Variants in TECPR1 observed in about 807,000 individuals in gnomAD.
TECPR1 encodes the protein tectonin beta-propeller repeat containing 1.
Under a neutral mutation model 162.4 loss-of-function variants are expected in TECPR1, and 122 were observed. That is an observed-to-expected ratio of 0.75 (90% CI 0.65 to 0.87). The LOEUF (loss-of-function observed/expected upper bound fraction) is 0.87. TECPR1 is among the 40% of genes least tolerant of loss of function. TECPR1 has a pLI of 0.00. For missense variants in TECPR1, 1,432 were observed against 1,618.2 expected (o/e 0.88, Z 1.97); for synonymous variants, 642 against 670.6 (o/e 0.96, Z 0.66).
At chr7:98,235,385 T>C (rs1037597469) in intron 10 of TECPR1, among the ~76,000 whole-genome samples, 1 of 151,566 alleles carries the variant, frequency 6.6e-6, no homozygotes, top group East Asian at 1.9e-4. Flanking sequence ...ATTAGCCAGG[T>C]GTGGTGGCGG....
intron 2 of TECPR1, among the ~76,000 whole-genome samples, chr7:98,249,184 G>C (rs1490061269): frequency 6.6e-6 from 1 of 152,084 alleles, no homozygotes; most frequent in Non-Finnish European, 1.5e-5. Context: ...GCTGGGACAA[G>C]GTATATCTTA....
chr7:98,225,154 C>G lies in TECPR1; in HGVS notation c.2514-52G>C, dbSNP rs1218172369. 8.1e-6 allele frequency: 12 copies of G among 1,483,410 alleles called. No homozygotes were observed. In the Admixed American group the frequency reaches 2.4e-4, roughly 30 times the overall value. The allele number at this position is 1,483,410 out of a possible 1,614,324, so 91.9% of individuals were successfully genotyped here. On this transcript the variant is annotated intron_variant, in intron 17 of 25. Transcript: ENST00000447648. ...CGAGGGAGACTGGGGAATGAACTGG[C>G]TCACTCAGACACCCCCATAACACCC...
At chr7:98,221,977 G>A (rs1057501062) in intron 22 of TECPR1, among the ~76,000 whole-genome samples, 4 of 152,212 alleles carry the variant, frequency 2.6e-5, no homozygotes, top group South Asian at 2.1e-4. Context: ...GCAACACAAA[G>A]GCTTCCTGTG....
chr7:98,245,891 G>C, intron 3 of TECPR1, 31 bp downstream of exon 3: 1 of 1,557,944 alleles, frequency 6.4e-7, no homozygotes, highest in Non-Finnish European at 8.7e-7. Context: ...GAACTGACCC[G>C]CTCGGCAACT....
rs760561074 is a variant in TECPR1 at position 98,244,982 on chromosome 7, C to T, written c.311G>A (p.Arg104Gln). 24 of 1,612,154 alleles carry T rather than the reference C, an allele frequency of 1.5e-5. No homozygotes were observed. Among genetic ancestry groups the T allele is most frequent in the African/African-American group, 8.0e-5 (6 of 74,898 alleles). ...GWSDVSGLQH[R>Q]PLDRVALPSP... is the part of the protein sequence containing the mutation. ...GGGCAGTGCCACCCTGTCCAGCGGCCGGTGCTGGAGCCCACTCACGTCACT... is the reference window on the plus strand; with the variant it reads ...GGGCAGTGCCACCCTGTCCAGCGGCTGGTGCTGGAGCCCACTCACGTCACT... The change falls in exon 4 of 26, where the codon CGG becomes CAG. Residue 104 changes from arginine (R) to glutamine (Q), a missense_variant. Transcript: ENST00000447648.
At chr7:98,246,265 T>C (rs971219983) in intron 2 of TECPR1, 100 bp from the exon 3 acceptor site, 1 of 738,526 alleles carries the variant, frequency 1.4e-6, no homozygotes, top group African/African-American at 1.8e-5. Context: ...ATTTATTCTT[T>C]TTCTCTTTTT....
At chr7:98,224,002 G>C (rs780737182) in intron 19 of TECPR1, among the ~76,000 whole-genome samples, 9 of 152,094 alleles carry the variant, frequency 5.9e-5, no homozygotes, top group Non-Finnish European at 1.2e-4. Flanking sequence ...AAGGGGGTCG[G>C]GCCTCCCTGG....
chr7:98,223,931 G>A (rs1000975654), intron 19 of TECPR1, among the ~76,000 whole-genome samples: 3 of 152,194 alleles, frequency 2.0e-5, no homozygotes, highest in African/African-American at 7.2e-5. Context: ...GCAGCCCTGG[G>A]GACCTGCAGG....
At chr7:98,242,221 T>A (rs565310614) in intron 6 of TECPR1, among the ~76,000 whole-genome samples, 33 of 152,294 alleles carry the variant, frequency 2.2e-4, no homozygotes, top group Middle Eastern at 3.4e-3. Context: ...GGAGCTGTGG[T>A]CAATGCGTGG....
rs762922849 is a variant in TECPR1, at chr7:98,231,364, T to C, written c.1984A>G (p.Ile662Val). The stretch of plus-strand genomic sequence containing the variant: ...AGCGCCACCACCTCATTCAGGAATA[T>C]GTGGATGTACTGTTCACAGAACAGG... ...VVHEEKKYIH[I>V]FLNEVVALVP... The change falls in exon 14 of 26, where the codon ATA (isoleucine) becomes GTA (valine). Residue 662 changes from isoleucine to valine, a missense_variant. By Grantham distance (29) the Ile-to-Val change is conservative. Coordinates refer to ENST00000447648, the MANE Select transcript of TECPR1 (RefSeq NM_015395.3). 1.2e-6 allele frequency: 2 copies of C among 1,602,508 alleles called. No homozygotes were observed. Among genetic ancestry groups the C allele is most frequent in the Admixed American group, 1.7e-5 (1 of 58,116 alleles).
chr7:98,244,578 C>T lies in TECPR1; in HGVS notation c.524G>A (p.Trp175Ter). The change falls in exon 5 of 26, where the codon TGG becomes TAG. Residue 175 changes from tryptophan to a stop codon, truncating the protein, a stop_gained. Transcript: ENST00000447648. LOFTEE classifies it high-confidence loss of function. ...RYRRYKSRDI[W>*]AKIPSKDDPK... ...ACATTCAGGAACAGAGACCTTGGCC[C>T]AGATGTCCCGGGACTTGTATCTCCT... is the stretch of plus-strand genomic sequence containing the variant. The T allele has an allele frequency of 6.2e-7, 1 of 1,607,712 alleles. No homozygotes were observed. Among genetic ancestry groups the T allele is most frequent in the South Asian group, 1.1e-5 (1 of 90,734 alleles).
intron 21 of TECPR1, 167 bp downstream of exon 21, chr7:98,222,823 C>A (rs976151354): frequency 3.1e-6 from 3 of 960,176 alleles, no homozygotes; most frequent in African/African-American, 1.6e-5. Context: ...CACCCCCGCC[C>A]CACCCGCCTC....
In TECPR1 at chr7:98,231,948, C is replaced by T; in HGVS notation, c.1830G>A (p.Val610=). 6.2e-7 allele frequency: 1 copy of T among 1,604,784 alleles called. No homozygotes were observed. Among genetic ancestry groups the T allele is most frequent in the Non-Finnish European group, 8.5e-7 (1 of 1,179,434 alleles). ...ACCACCACTGCAGCGCCCCGGTCTTCACCCACACCGACTGCGCAGGCCGGG... is the reference window on the plus strand; with the variant it reads ...ACCACCACTGCAGCGCCCCGGTCTTTACCCACACCGACTGCGCAGGCCGGG... ...YEQAVEQSVW[V]KTGALQWWCD... Residue 610 remains valine (V), a synonymous_variant, in exon 13 of 26, where the codon GTG becomes GTA. Transcript: ENST00000447648.
intron 10 of TECPR1, among the ~76,000 whole-genome samples, chr7:98,234,491 T>C (rs1798540395): frequency 1.3e-5 from 2 of 152,290 alleles, no homozygotes; most frequent in African/African-American, 2.4e-5. Flanking sequence ...AGCTTCAGGA[T>C]TCCCTTATAG....
chr7:98,226,530 A>C, intron 17 of TECPR1: 4 of 1,039,094 alleles, frequency 3.8e-6, no homozygotes, highest in Non-Finnish European at 4.7e-6. Flanking sequence ...GGAAGGCCAC[A>C]CCCCACATGC....
Position 98,243,517 on chromosome 7 carries a change from C to G in TECPR1, c.607G>C (p.Glu203Gln), listed in dbSNP as rs1187522095. The change falls in exon 6 of 26, where the codon GAG becomes CAG. Residue 203 changes from glutamate to glutamine, a missense_variant. Transcript: ENST00000447648. ...DLSVGGWEIT[E>Q]EPVGRLSVWA... ...ACTGACAGGCGGCCCACAGGCTCCT[C>G]CGTGATCTCCCAGCCCCCTACAGAG... 1 of 1,612,696 alleles carries G rather than the reference C, an allele frequency of 6.2e-7. No individual in the cohort carries two copies. The highest frequency in any genetic ancestry group is 8.5e-7 in the Non-Finnish European group (1 of 1,179,828).
chr7:98,227,504 A>T (rs1798308087), intron 17 of TECPR1, among the ~76,000 whole-genome samples: 1 of 151,816 alleles, frequency 6.6e-6, no homozygotes, highest in Non-Finnish European at 1.5e-5. Context: ...CATTTCTTGG[A>T]GGTAGAAACT....
At position 98,245,902 on chromosome 7, in the gene TECPR1, C is replaced by G; in HGVS notation, c.225+20G>C. 1 of 1,576,434 alleles carries G rather than the reference C, an allele frequency of 6.3e-7. No homozygotes were observed. Among genetic ancestry groups the G allele is most frequent in the Non-Finnish European group, 8.6e-7 (1 of 1,161,146 alleles). Reference sequence around the variant, plus strand: ...CAGCGAACTGACCCGCTCGGCAACTCCAACCATGAGGGTCACTACCTGATT... The same window carrying G: ...CAGCGAACTGACCCGCTCGGCAACTGCAACCATGAGGGTCACTACCTGATT... On this transcript the variant is annotated intron_variant, in intron 3 of 25. Transcript: ENST00000447648.
chr7:98,251,763 G>C (rs1435348479), intron 1 of TECPR1: 1 of 152,268 alleles, frequency 6.6e-6, no homozygotes, highest in South Asian at 2.1e-4. Flanking sequence ...CTAATCTTAC[G>C]ACAAGCAGAT....
Sources: gnomAD v4.1 joint callset for allele counts (sites outside exome capture counted in the v4.1 genomes callset) on GRCh38, gnomAD v4.1.1 for gene constraint, MANE v1.5 for transcripts, NCBI Gene and HGNC (gene_info 2026-07-23, HGNC 2026-07-21) for gene names.